SPTAN1: variants seen among roughly 807,000 people sequenced by gnomAD.
The protein encoded by SPTAN1 is spectrin alpha chain, non-erythrocytic 1.
Under a neutral mutation model 331.3 loss-of-function variants are expected in SPTAN1, and 61 were observed. That is an observed-to-expected ratio of 0.18 (90% CI 0.15 to 0.23). The LOEUF (loss-of-function observed/expected upper bound fraction) is 0.23, where lower values mean the gene tolerates loss of function less well. Among genes scored for constraint, SPTAN1 ranks in the 10% least tolerant of loss-of-function variants. SPTAN1 has a pLI of 1.00. For missense variants in SPTAN1, 2,043 were observed against 3,147.9 expected (o/e 0.65, Z 8.40); for synonymous variants, 1,153 against 1,173.9 (o/e 0.98, Z 0.36).
Position 128,600,070 on chromosome 9 carries a change from C to T in SPTAN1, c.3544-10C>T. ...TGCTTGGCTGCCTAAATTCCTCTTT[C>T]TTTGAATAGGATGAAACTGATTCCA... On this transcript the variant is annotated splice_polypyrimidine_tract_variant and intron_variant, in intron 26 of 56. Coordinates refer to ENST00000372739, the MANE Select transcript of SPTAN1 (RefSeq NM_001130438.3). 1 of 1,614,200 alleles carries T rather than the reference C, an allele frequency of 6.2e-7. No homozygotes were observed. Among genetic ancestry groups the T allele is most frequent in the Non-Finnish European group, 8.5e-7 (1 of 1,180,018 alleles).
intron 26 of SPTAN1, 189 bp downstream of exon 26, chr9:128,599,175 A>G (rs1854721391): frequency 1.5e-6 from 1 of 659,066 alleles, no homozygotes; most frequent in Admixed American, 2.1e-5. Flanking sequence ...CACTCTGTCA[A>G]CCAGGCTGGA....
rs1053257201 is a variant in SPTAN1 at position 128,599,847 on chromosome 9, T to C, written c.3544-233T>C. ...AAATTTCTTTATTCTCTCCATTTCT[T>C]CTACTGGATAAAAAAATTGGAATTT... On this transcript the variant is annotated intron_variant, in intron 26 of 56. Coordinates refer to ENST00000372739, the MANE Select transcript of SPTAN1 (RefSeq NM_001130438.3). 1.4e-5 allele frequency: 8 copies of C among 585,276 alleles called. No individual in the cohort carries two copies. The East Asian group carries it at 2.3e-4, about 17-fold the overall frequency. 36.3% of individuals were successfully genotyped at this position (585,276 alleles called of 1,614,324 possible).
At chr9:128,630,575 G>T in intron 52 of SPTAN1, 200 bp downstream of exon 52, 1 of 576,566 alleles carries the variant, frequency 1.7e-6, no homozygotes, top group Non-Finnish European at 3.1e-6. Context: ...TCTCGCCCAG[G>T]CTGGAGTGCA....
At chr9:128,589,151 GA>G (rs1395990336) in intron 21 of SPTAN1, among the ~76,000 whole-genome samples, 1 of 152,164 alleles carries the variant, frequency 6.6e-6, no homozygotes, top group Non-Finnish European at 1.5e-5. Context: ...ATACCTGCAA[GA>G]AGCATAGATA....
intron 44 of SPTAN1, 136 bp downstream of exon 44, chr9:128,619,139 G>C: frequency 7.6e-7 from 1 of 1,318,302 alleles, no homozygotes; most frequent in Non-Finnish European, 1.1e-6. Flanking sequence ...GGCCTCAGTA[G>C]TTGGTTTTAG....
At chr9:128,596,599 C>T (rs534525127) in intron 24 of SPTAN1, 27 of 152,166 alleles carry the variant, frequency 1.8e-4, no homozygotes, top group African/African-American at 6.3e-4. Flanking sequence ...ATTGTTTATC[C>T]ATTCCACCAC....
intron 40 of SPTAN1, among the ~76,000 whole-genome samples, chr9:128,614,517 G>A (rs1358174602): frequency 2.0e-5 from 3 of 151,888 alleles, no homozygotes; most frequent in Non-Finnish European, 4.4e-5. Context: ...TTGAGCCCGG[G>A]AGGCAGAGGT....
At chr9:128,595,071 A>C (rs933582793) in intron 24 of SPTAN1, among the ~76,000 whole-genome samples, 2 of 151,578 alleles carry the variant, frequency 1.3e-5, no homozygotes, top group Non-Finnish European at 2.9e-5. Context: ...CAGCCTCCCA[A>C]AGTACTGGGA....
At position 128,633,453 on chromosome 9, in the gene SPTAN1, A is replaced by ACTT. The variant is rs1860170570; in HGVS notation, c.*120_*122dup. 8 of 1,539,674 alleles carry ACTT rather than the reference A, an allele frequency of 5.2e-6. No individual in the cohort carries two copies. Among genetic ancestry groups the ACTT allele is most frequent in the Admixed American group, 1.7e-5 (1 of 59,468 alleles). On this transcript the variant is annotated 3_prime_UTR_variant, in exon 57 of 57. Transcript: ENST00000372739. ...TTAAGCCTGCTTAGCTTGGAATAAG[A>ACTT]CTTAGGAGAAAATGGTGCTTCACTA...
chr9:128,622,921 T>G (rs991488324), intron 45 of SPTAN1, among the ~76,000 whole-genome samples: 1 of 151,494 alleles, frequency 6.6e-6, no homozygotes, highest in Admixed American at 6.6e-5. Flanking sequence ...CCCAGCTAAT[T>G]TTTGTATTTT....
chr9:128,589,041 A>G, intron 21 of SPTAN1, 98 bp downstream of exon 21: 1 of 1,529,800 alleles, frequency 6.5e-7, no homozygotes. Context: ...TGAAATGAGA[A>G]GGCTTAGAAT....
Position 128,629,932 on chromosome 9 carries a change from C to T in SPTAN1, c.6708-389C>T. 2.7e-6 allele frequency: 1 copy of T among 367,710 alleles called. No homozygotes were observed. Among genetic ancestry groups the T allele is most frequent in the Non-Finnish European group, 5.3e-6 (1 of 188,548 alleles). 22.8% of individuals were successfully genotyped at this position (367,710 alleles called of 1,614,324 possible). The stretch of plus-strand genomic sequence containing the variant: ...GTCAGGTTCTCAGCCTCCCCTCTGC[C>T]CTGAGGTCTCCTGTCTGTCAGGTGT... On this transcript the variant is annotated intron_variant, in intron 51 of 56. Transcript: ENST00000372739. This position sits in a 1 kb window ranked among gnomAD's most constrained non-coding sequence, Gnocchi z 4.9.
chr9:128,615,396 C>A (rs1857040274), intron 40 of SPTAN1, among the ~76,000 whole-genome samples: 1 of 152,126 alleles, frequency 6.6e-6, no homozygotes, highest in Non-Finnish European at 1.5e-5. Flanking sequence ...AAAGCACCAG[C>A]ATGTCCCCTC....
chr9:128,611,609 G>C, intron 37 of SPTAN1, 105 bp from the exon 38 acceptor site: 2 of 1,375,016 alleles, frequency 1.5e-6, no homozygotes, highest in Non-Finnish European at 2.0e-6. Context: ...ATTTACCCCA[G>C]TTCTTTATGT....
chr9:128,621,200 G>A lies in SPTAN1; in HGVS notation c.5776G>A (p.Val1926Ile), dbSNP rs1857806199. 5 of 1,614,082 alleles carry A rather than the reference G, an allele frequency of 3.1e-6. No individual in the cohort carries two copies. The highest frequency in any genetic ancestry group is 4.2e-6 in the Non-Finnish European group (5 of 1,180,040). Residue 1926 changes from valine to isoleucine, a missense_variant, in exon 45 of 57, where the codon GTC becomes ATC. Val to Ile is a conservative substitution (Grantham distance 29). Transcript: ENST00000372739. ...KHEAFETDFT[V>I]HKDRVNDVCT... ...TGAAGCTTTTGAGACAGACTTCACC[G>A]TCCACAAGGATCGCGTGAATGATGT... is the stretch of plus-strand genomic sequence containing the variant.
Position 128,617,950 on chromosome 9 carries a change from G to A in SPTAN1, c.5479-37G>A, listed in dbSNP as rs370219110. The A allele has an allele frequency of 1.3e-4, 212 of 1,614,150 alleles. No homozygotes were observed. In the African/African-American group the frequency reaches 2.6e-3, roughly 20 times the overall value. ...GCTTCGAGACAGAAGCACCAGAAGA[G>A]CTACCTGCTGTTAACCTCCTCGTCC... is the stretch of plus-strand genomic sequence containing the variant. On this transcript the variant is annotated intron_variant, in intron 42 of 56. Transcript: ENST00000372739.
rs1857387414 is a variant in SPTAN1 at position 128,618,022 on chromosome 9, C to A, written c.5514C>A (p.Asp1838Glu). 1.2e-6 allele frequency: 2 copies of A among 1,613,984 alleles called. No homozygotes were observed. The highest frequency in any genetic ancestry group is 1.7e-5 in the Admixed American group (1 of 59,994). Residue 1838 changes from aspartate to glutamate, a missense_variant, in exon 43 of 57, where the codon GAC (aspartate) becomes GAA (glutamate). This residue lies in a region of SPTAN1 where 323 missense variants were observed against 581.1 expected (regional missense o/e 0.56). Coordinates refer to ENST00000372739, the MANE Select transcript of SPTAN1 (RefSeq NM_001130438.3). ...ACACTGGCAAGAAGCTGTCCGATGACAACACCATCGGGAAAGAGGAGATCC... is the reference window on the plus strand; with the variant it reads ...ACACTGGCAAGAAGCTGTCCGATGAAAACACCATCGGGAAAGAGGAGATCC... Reference protein sequence around the residue: ...VLDTGKKLSDDNTIGKEEIQQ... With the variant: ...VLDTGKKLSDENTIGKEEIQQ...
At chr9:128,623,262 G>T (rs1455111580) in intron 45 of SPTAN1, among the ~76,000 whole-genome samples, 14 of 150,524 alleles carry the variant, frequency 9.3e-5, no homozygotes, top group Non-Finnish European at 1.8e-4. Context: ...AAGAGATGGG[G>T]TCTCACTATG....
At chr9:128,630,102 C>T (rs1432786454) in intron 51 of SPTAN1, 2 of 726,912 alleles carry the variant, frequency 2.8e-6, no homozygotes, top group Non-Finnish European at 2.5e-6. Context: ...CTGGCCCACA[C>T]CAAGGCAGCA....
Sources: gnomAD v4.1 joint callset for allele counts (sites outside exome capture counted in the v4.1 genomes callset) on GRCh38, gnomAD v4.1.1 for gene constraint, gnomAD v4.1.1 regional missense constraint, Gnocchi (gnomAD v3.1) non-coding constraint, MANE v1.5 for transcripts, NCBI Gene and HGNC (gene_info 2026-07-23, HGNC 2026-07-21) for gene names.